Variants in PICALM observed in about 807,000 individuals in gnomAD.
PICALM encodes phosphatidylinositol-binding clathrin assembly protein.
A neutral mutation model predicts 80.5 loss-of-function variants in PICALM; 40 were observed. The ratio of observed to expected loss-of-function variants is 0.50; its 90% CI spans 0.39 to 0.65. The LOEUF (loss-of-function observed/expected upper bound fraction) is 0.65. Among genes scored for constraint, PICALM ranks in the 30% least tolerant of loss-of-function variants. PICALM has a pLI of 0.00. For synonymous variants in PICALM, 288 were observed against 260.3 expected, an observed-to-expected ratio of 1.11 and a Z score of -1.02; for missense variants, 676 against 778.9, an observed-to-expected ratio of 0.87 and a Z score of 1.57.
chr11:86,067,872 G>C lies in PICALM; in HGVS notation c.130+779C>G, dbSNP rs769518351. ...CAAACTCACCCCAGTCAAAAGTATG[G>C]ACAACACAACGATTAAATTCCACCA... is the stretch of plus-strand genomic sequence containing the variant. On this transcript the variant is annotated intron_variant, in intron 1 of 19. Transcript: ENST00000393346. 2.6e-5 allele frequency among the ~76,000 whole-genome samples: 4 copies of C among 152,214 alleles called. No individual in the cohort carries two copies. In the South Asian group the frequency reaches 8.3e-4, roughly 32 times the overall value.
intron 19 of PICALM, among the ~76,000 whole-genome samples, chr11:85,970,935 T>C (rs1312969226): frequency 1.3e-5 from 2 of 152,168 alleles, no homozygotes; most frequent in Non-Finnish European, 2.9e-5. Flanking sequence ...TGAGTGACTA[T>C]TGCAAAACAA....
intron 13 of PICALM, among the ~76,000 whole-genome samples, chr11:85,986,633 A>G (rs997146552): frequency 2.1e-5 from 3 of 146,292 alleles, no homozygotes; most frequent in Non-Finnish European, 4.5e-5. Context: ...CTCATGATCC[A>G]CCCGCCTCGG....
intron 12 of PICALM, among the ~76,000 whole-genome samples, chr11:85,992,620 G>T (rs1011445900): frequency 6.6e-6 from 1 of 152,096 alleles, no homozygotes; most frequent in African/African-American, 2.4e-5. Flanking sequence ...GATATTAACA[G>T]CTGCATAGAG....
intron 1 of PICALM, among the ~76,000 whole-genome samples, chr11:86,043,418 G>T (rs2096009893): frequency 6.6e-6 from 1 of 151,924 alleles, no homozygotes; most frequent in African/African-American, 2.4e-5. Flanking sequence ...TTTCTTCTCA[G>T]AAAAATCAAT....
At chr11:86,003,665 CG>C (rs1212423107) in intron 8 of PICALM, 2 of 364,234 alleles carry the variant, frequency 5.5e-6, no homozygotes, top group African/African-American at 4.2e-5. Context: ...TTATCAAAAA[CG>C]TTAAGAACTG....
chr11:86,055,324 T>C (rs1446543507), intron 1 of PICALM, among the ~76,000 whole-genome samples: 1 of 145,084 alleles, frequency 6.9e-6, no homozygotes, highest in Non-Finnish European at 1.5e-5. Context: ...CAAAACTCCG[T>C]CTCAAAAAAA....
intron 14 of PICALM, among the ~76,000 whole-genome samples, chr11:85,982,611 T>C (rs1004641251): frequency 1.4e-5 from 2 of 145,916 alleles, no homozygotes; most frequent in Non-Finnish European, 3.0e-5. Context: ...GTATTTTTAG[T>C]AGAGACGGGG....
At chr11:86,030,641 G>C (rs1337675336) in intron 2 of PICALM, among the ~76,000 whole-genome samples, 3 of 152,176 alleles carry the variant, frequency 2.0e-5, no homozygotes, top group Admixed American at 2.0e-4. Context: ...TCTCAAAACA[G>C]ATTTTCAAAA....
intron 19 of PICALM, among the ~76,000 whole-genome samples, chr11:85,968,268 G>C (rs1440047705): frequency 1.3e-5 from 2 of 151,258 alleles, no homozygotes. Flanking sequence ...TCCAGCCTGG[G>C]GGACAGAGTG....
Position 85,958,999 on chromosome 11 carries a change from G to T in PICALM, c.*47C>A. The T allele has an allele frequency of 6.6e-7, 1 of 1,509,222 alleles. No individual in the cohort carries two copies. The highest frequency in any genetic ancestry group is 9.1e-7 in the Non-Finnish European group (1 of 1,097,686). 93.5% of individuals were successfully genotyped at this position (1,509,222 alleles called of 1,614,324 possible). A position where few individuals can be genotyped will look rare whatever the true frequency, so the allele number is the denominator to read the frequency against. On this transcript the variant is annotated 3_prime_UTR_variant, in exon 20 of 20. Coordinates refer to ENST00000393346, the MANE Select transcript of PICALM (RefSeq NM_007166.4). ...TTTTGCTGGAAGTAAGGATTTTGCT[G>T]CTTGAGCACTTGTCTTTTTGGAGTA...
At chr11:86,056,872 G>A (rs10792823) in intron 1 of PICALM, among the ~76,000 whole-genome samples, 24,237 of 152,146 alleles carry the variant, frequency 0.16, 2,282 homozygotes, top group East Asian at 0.47. Flanking sequence ...TGTGCTACAA[G>A]GACAAACCTT....
intron 6 of PICALM, among the ~76,000 whole-genome samples, chr11:86,011,343 C>T (rs1337472852): frequency 6.6e-6 from 1 of 152,056 alleles, no homozygotes; most frequent in Non-Finnish European, 1.5e-5. Context: ...ATTACTTGAC[C>T]CTACTCATAT....
chr11:86,006,626 G>A (rs1436198366), intron 8 of PICALM, among the ~76,000 whole-genome samples: 1 of 152,140 alleles, frequency 6.6e-6, no homozygotes, highest in Non-Finnish European at 1.5e-5. Context: ...TAGCCTAGGC[G>A]ACAATAGCAA....
chr11:85,987,076 G>C (rs1314476874), intron 13 of PICALM, among the ~76,000 whole-genome samples: 3 of 152,198 alleles, frequency 2.0e-5, no homozygotes, highest in Non-Finnish European at 4.4e-5. Context: ...ATTGTTAATT[G>C]ATTTTGGTGG....
At chr11:86,033,229 AACAC>A (rs890132921) in intron 1 of PICALM, among the ~76,000 whole-genome samples, 2 of 152,042 alleles carry the variant, frequency 1.3e-5, no homozygotes, top group Admixed American at 6.6e-5. Context: ...TATACACACA[AACAC>A]ACACACAATT....
rs531731153 is a variant in PICALM at position 85,993,218 on chromosome 11, C to T, written c.1259-2819G>A. 2.6e-4 allele frequency among the ~76,000 whole-genome samples: 39 copies of T among 151,940 alleles called. 1 individual carries two copies. In the South Asian group the frequency reaches 7.1e-3, roughly 28 times the overall value. Reference sequence around the variant, plus strand: ...CCCCCCACTTTAGCCTTCTGAGTAGCTGGGACCACAGGTGTATGGCACCAT... The same window carrying T: ...CCCCCCACTTTAGCCTTCTGAGTAGTTGGGACCACAGGTGTATGGCACCAT... On this transcript the variant is annotated intron_variant, in intron 12 of 19. Transcript: ENST00000393346.
At chr11:85,970,810 C>A (rs2094082755) in intron 19 of PICALM, among the ~76,000 whole-genome samples, 1 of 152,026 alleles carries the variant, frequency 6.6e-6, no homozygotes, top group Non-Finnish European at 1.5e-5. Context: ...TACCCACACA[C>A]AAAAAAGATT....
chr11:86,049,391 C>T (rs1405117213), intron 1 of PICALM, among the ~76,000 whole-genome samples: 1 of 152,170 alleles, frequency 6.6e-6, no homozygotes, highest in Non-Finnish European at 1.5e-5. Flanking sequence ...TCAGTTTTAA[C>T]ACACAAATTC....
At chr11:86,016,318 A>C (rs953824332) in intron 4 of PICALM, among the ~76,000 whole-genome samples, 2 of 152,124 alleles carry the variant, frequency 1.3e-5, no homozygotes, top group African/African-American at 4.8e-5. Context: ...GAACAACAAC[A>C]AAAAAAGGTA....
Sources: gnomAD v4.1 joint callset for allele counts (sites outside exome capture counted in the v4.1 genomes callset) on GRCh38, gnomAD v4.1.1 for gene constraint, MANE v1.5 for transcripts, NCBI Gene and HGNC (gene_info 2026-07-23, HGNC 2026-07-21) for gene names.